Variants in CLIP1 observed in about 807,000 individuals in gnomAD.
CLIP1 encodes CAP-Gly domain-containing linker protein 1.
A neutral mutation model predicts 161.6 loss-of-function variants in CLIP1; 66 were observed. The ratio of observed to expected loss-of-function variants is 0.41; its 90% CI spans 0.33 to 0.50. The LOEUF (loss-of-function observed/expected upper bound fraction) is 0.50, where lower values mean the gene tolerates loss of function less well. Ranked by LOEUF, CLIP1 falls within the 20% of genes least tolerant of loss-of-function variation. CLIP1 has a pLI of 0.27. For missense variants in CLIP1, 1,376 were observed against 1,702.0 expected (o/e 0.81, Z 3.37); for synonymous variants, 598 against 626.2 (o/e 0.96, Z 0.67).
intron 6 of CLIP1, 152 bp downstream of exon 6, chr12:122,354,963 C>T (rs1032206694): frequency 3.5e-5 from 24 of 684,658 alleles, no homozygotes; most frequent in Admixed American, 1.1e-4. Context: ...GCACCCCAGA[C>T]TGTAGCTTTC....
intron 5 of CLIP1, among the ~76,000 whole-genome samples, chr12:122,357,576 C>T (rs1177794931): frequency 3.1e-5 from 4 of 129,564 alleles, no homozygotes; most frequent in African/African-American, 8.8e-5. Flanking sequence ...CAGCCCCCCC[C>T]GCCCGGCCAG....
At chr12:122,384,108 G>A (rs1001815709) in intron 1 of CLIP1, among the ~76,000 whole-genome samples, 3 of 152,188 alleles carry the variant, frequency 2.0e-5, no homozygotes, top group Non-Finnish European at 2.9e-5. Flanking sequence ...AAATGCTGCA[G>A]AAATTAAGAA....
intron 1 of CLIP1, among the ~76,000 whole-genome samples, chr12:122,390,882 C>T (rs535398395): frequency 6.5e-4 from 99 of 152,124 alleles, no homozygotes; most frequent in Non-Finnish European, 5.7e-4. Flanking sequence ...TGTACTCCCT[C>T]GAATATGAGA....
intron 20 of CLIP1, among the ~76,000 whole-genome samples, chr12:122,292,143 C>G (rs1191275396): frequency 6.6e-6 from 1 of 151,896 alleles, no homozygotes; most frequent in Non-Finnish European, 1.5e-5. Flanking sequence ...AGGCATGTGT[C>G]ACCACGCCAG....
At chr12:122,307,648 G>T (rs191261675) in intron 20 of CLIP1, among the ~76,000 whole-genome samples, 1 of 152,284 alleles carries the variant, frequency 6.6e-6, no homozygotes, top group East Asian at 1.9e-4. Flanking sequence ...ACTGGAGAAA[G>T]CAACTAAGTG....
At chr12:122,370,852 G>A (rs1954411758) in intron 3 of CLIP1, among the ~76,000 whole-genome samples, 1 of 151,742 alleles carries the variant, frequency 6.6e-6, no homozygotes, top group South Asian at 2.1e-4. Context: ...CAGCTACATG[G>A]GAGGCTGGGA....
chr12:122,293,787 GT>G (rs201115013), intron 20 of CLIP1, among the ~76,000 whole-genome samples: 25 of 132,878 alleles, frequency 1.9e-4, no homozygotes, highest in East Asian at 2.2e-4. Flanking sequence ...CTGAGAATTT[GT>G]TTTTTTTTTT....
In CLIP1 at chr12:122,341,343, C is replaced by T; in HGVS notation, c.1861G>A (p.Ala621Thr). 1 of 1,614,106 alleles carries T rather than the reference C, an allele frequency of 6.2e-7. No homozygotes were observed. Among genetic ancestry groups the T allele is most frequent in the Non-Finnish European group, 8.5e-7 (1 of 1,180,024 alleles). The change falls in exon 11 of 26, where the codon GCT becomes ACT. Residue 621 changes from alanine to threonine, a missense_variant. Coordinates refer to ENST00000620786, the MANE Select transcript of CLIP1 (RefSeq NM_001247997.2). ...GTCTCCAGTTTGGACTTCCATAGAG[C>T]TATCACATCTGAGTTCTCTTTGTTG... Reference protein sequence around the residue: ...HANKENSDVIALWKSKLETAI... With the variant: ...HANKENSDVITLWKSKLETAI...
chr12:122,399,068 T>C (rs1956048676), intron 1 of CLIP1, among the ~76,000 whole-genome samples: 1 of 151,952 alleles, frequency 6.6e-6, no homozygotes, highest in Non-Finnish European at 1.5e-5. Flanking sequence ...CTTCATATTC[T>C]CATCTGATTT....
chr12:122,392,079 T>C (rs1206964483), intron 1 of CLIP1, among the ~76,000 whole-genome samples: 2 of 152,176 alleles, frequency 1.3e-5, no homozygotes, highest in African/African-American at 4.8e-5. Flanking sequence ...GAGACCAGCC[T>C]GGGCAACACA....
intron 1 of CLIP1, among the ~76,000 whole-genome samples, chr12:122,406,348 C>A (rs567651134): frequency 6.6e-6 from 1 of 152,172 alleles, no homozygotes; most frequent in African/African-American, 2.4e-5. Context: ...GAGACCTTGT[C>A]TCAAACAAGT....
intron 3 of CLIP1, among the ~76,000 whole-genome samples, chr12:122,367,101 G>A (rs191557449): frequency 1.1e-4 from 17 of 152,308 alleles, no homozygotes; most frequent in African/African-American, 4.1e-4. Flanking sequence ...CTTTGGGGAT[G>A]AGTCGAAGTC....
intron 15 of CLIP1, among the ~76,000 whole-genome samples, 173 bp from the exon 16 acceptor site, chr12:122,328,599 T>C (rs1193771534): frequency 7.1e-6 from 1 of 140,572 alleles, no homozygotes; most frequent in Non-Finnish European, 1.6e-5. Context: ...TGTTTTGTTT[T>C]GGGGGGGCGG....
chr12:122,322,671 T>A (rs975773592), intron 17 of CLIP1: 3 of 152,682 alleles, frequency 2.0e-5, no homozygotes, highest in Non-Finnish European at 4.4e-5. Context: ...AGGAGCACCA[T>A]CCTCCCGTGA....
At chr12:122,408,520 T>C (rs1277149386) in intron 1 of CLIP1, among the ~76,000 whole-genome samples, 1 of 151,798 alleles carries the variant, frequency 6.6e-6, no homozygotes, top group African/African-American at 2.4e-5. Context: ...GGCTAATTTT[T>C]TGTATTTTTA....
At chr12:122,339,161 G>T (rs570731025) in intron 11 of CLIP1, among the ~76,000 whole-genome samples, 1 of 152,120 alleles carries the variant, frequency 6.6e-6, no homozygotes, top group Non-Finnish European at 1.5e-5. Flanking sequence ...AATGTTTCAC[G>T]TAATTTCCTA....
intron 20 of CLIP1, among the ~76,000 whole-genome samples, chr12:122,305,126 G>A (rs754051678): frequency 1.3e-5 from 2 of 152,226 alleles, no homozygotes; most frequent in Non-Finnish European, 2.9e-5. Context: ...GGGAGAATCA[G>A]CTCTGTTCCC....
chr12:122,333,013 C>T lies in CLIP1; in HGVS notation c.2841G>A (p.Met947Ile). ...TTTCTTTCAGACGTAATTCATCGTT[C>T]ATTTTTGTCAGCTGAGAAGAGTTAT... ...SGDNSSQLTK[M>I]NDELRLKERD... The change falls in exon 15 of 26, where the codon ATG becomes ATA. Residue 947 changes from methionine to isoleucine, a missense_variant. Around this residue, in one of 6 missense-constraint regions of CLIP1, gnomAD observed 948 missense variants for 1,134.8 expected, o/e 0.84. Coordinates refer to ENST00000620786, the MANE Select transcript of CLIP1 (RefSeq NM_001247997.2). 1.2e-6 allele frequency: 2 copies of T among 1,613,600 alleles called. No homozygotes were observed. The highest frequency in any genetic ancestry group is 1.7e-6 in the Non-Finnish European group (2 of 1,179,878).
chr12:122,383,479 A>C lies in CLIP1; in HGVS notation c.-106-2921T>G, dbSNP rs12580498. ...TATTACAAACCAAAGACTAATCATA[A>C]GCTCTGTCTAGGGCTCTGTTGTCCA... On this transcript the variant is annotated intron_variant, in intron 1 of 25. Transcript: ENST00000620786. Among the ~76,000 whole-genome samples the C allele has an allele frequency of 8.5e-4, 129 of 151,458 alleles. No homozygotes were observed. The East Asian group carries it at 0.014, about 17-fold the overall frequency.
Sources: allele counts gnomAD v4.1 joint callset (sites outside exome capture counted in the v4.1 genomes callset), GRCh38; gene constraint gnomAD v4.1.1; regional missense constraint gnomAD v4.1.1; transcripts MANE v1.5; gene names NCBI Gene and HGNC (gene_info 2026-07-23, HGNC 2026-07-21).